Variants in FAM135B observed in about 807,000 individuals in gnomAD.
FAM135B encodes the protein protein FAM135B.
A neutral mutation model predicts 127.7 loss-of-function variants in FAM135B; 43 were observed. The ratio of observed to expected loss-of-function variants is 0.34; its 90% confidence interval spans 0.26 to 0.43. The LOEUF (loss-of-function observed/expected upper bound fraction) is 0.43, where lower values mean the gene tolerates loss of function less well. Among genes scored for constraint, FAM135B ranks in the 20% least tolerant of loss-of-function variants. The pLI, the probability that FAM135B is intolerant of heterozygous loss-of-function variation, is 1.00. For synonymous variants in FAM135B, 670 were observed against 665.1 expected, an observed-to-expected ratio of 1.01 and a Z score of -0.11; for missense variants, 1,558 against 1,725.6, an observed-to-expected ratio of 0.90 and a Z score of 1.72.
chr8:138,383,105 G>C (rs1382037942), intron 1 of FAM135B, among the ~76,000 whole-genome samples: 2 of 152,170 alleles, frequency 1.3e-5, no homozygotes, highest in East Asian at 3.9e-4. Context: ...AGTGTCCCTT[G>C]CTGCACTGTC....
chr8:138,392,731 G>A (rs180968657), intron 1 of FAM135B, among the ~76,000 whole-genome samples: 1 of 152,044 alleles, frequency 6.6e-6, no homozygotes, highest in Non-Finnish European at 1.5e-5. Context: ...ACTGTGCCGG[G>A]GGCATGGAAT....
At position 138,243,056 on chromosome 8, in the gene FAM135B, T is replaced by A. The variant is rs535898797; in HGVS notation, c.555A>T (p.Pro185=). ...LQQPLISFTR[P]GRGSWLGKGG... is the part of the protein sequence containing the mutation. ...CTTTACCAAGCCAGGAGCCTCTTCC[T>A]GGACGAGTAAAACTAAACAAAAGAT... Residue 185 remains proline (P), a synonymous_variant, in exon 7 of 20, where the codon CCA becomes CCT. Transcript: ENST00000395297. This position sits in a 1 kb window ranked among gnomAD's most constrained non-coding sequence, Gnocchi z 7.5. 1.2e-6 allele frequency: 2 copies of A among 1,609,840 alleles called. No homozygotes were observed. Among genetic ancestry groups the A allele is most frequent in the Non-Finnish European group, 8.5e-7 (1 of 1,178,768 alleles).
intron 1 of FAM135B, among the ~76,000 whole-genome samples, chr8:138,430,188 G>A (rs1835116768): frequency 1.3e-5 from 2 of 152,126 alleles, no homozygotes; most frequent in African/African-American, 4.8e-5. Context: ...AACGGCTGCT[G>A]CTTCATAAAC....
chr8:138,373,454 G>T (rs558488707), intron 1 of FAM135B, among the ~76,000 whole-genome samples: 1 of 149,998 alleles, frequency 6.7e-6, no homozygotes, highest in East Asian at 2.0e-4. Context: ...GAGGATGTAT[G>T]TCGCCTCAGG....
At chr8:138,354,416 T>G (rs949433783) in intron 2 of FAM135B, among the ~76,000 whole-genome samples, 1 of 152,140 alleles carries the variant, frequency 6.6e-6, no homozygotes, top group Non-Finnish European at 1.5e-5. Context: ...GTGCATACCT[T>G]CTCAATGCCT....
At chr8:138,214,472 AGTTTAGCAT>A (rs1236561066) in intron 7 of FAM135B, among the ~76,000 whole-genome samples, 3 of 152,188 alleles carry the variant, frequency 2.0e-5, no homozygotes, top group Non-Finnish European at 4.4e-5. Context: ...AGATCTTTGC[AGTTTAGCAT>A]GTGAGGGAGC....
At chr8:138,262,989 G>A (rs1446401856) in intron 4 of FAM135B, among the ~76,000 whole-genome samples, 3 of 150,252 alleles carry the variant, frequency 2.0e-5, no homozygotes, top group Admixed American at 6.6e-5. Flanking sequence ...TAGGCCTGAA[G>A]AGTCAAGCAG....
At chr8:138,220,018 C>T (rs570264394) in intron 7 of FAM135B, among the ~76,000 whole-genome samples, 1 of 151,546 alleles carries the variant, frequency 6.6e-6, no homozygotes, top group Admixed American at 6.6e-5. Flanking sequence ...TTCTATTTTA[C>T]AAATGCTTTA....
At chr8:138,151,097 G>T in intron 13 of FAM135B, 97 bp downstream of exon 13, 1 of 767,224 alleles carries the variant, frequency 1.3e-6, no homozygotes, top group Non-Finnish European at 2.0e-6. Context: ...GAAAATCACA[G>T]ATATCTAAAT....
chr8:138,141,201 T>C lies in FAM135B; in HGVS notation c.3787A>G (p.Thr1263Ala), dbSNP rs2130592091. The change falls in exon 17 of 20, where the codon ACA (threonine) becomes GCA (alanine). Residue 1263 changes from threonine to alanine, a missense_variant. Physicochemically the swap from Thr to Ala is moderately conservative, Grantham distance 58 (BLOSUM62 0). Around this residue, in one of 5 missense-constraint regions of FAM135B, gnomAD observed 194 missense variants for 333.8 expected, o/e 0.58. Transcript: ENST00000395297. This position sits in a 1 kb window ranked among gnomAD's most constrained non-coding sequence, Gnocchi z 4.7. ...ACGAGTCCTAGAAGAATCTTACCTG[T>C]ACTAACCAGGGTGCTGTTGTTGTAC... is the stretch of plus-strand genomic sequence containing the variant. ...TLYNNSTLVS[T>A]GLWLMQKLKK... 6.2e-7 allele frequency: 1 copy of C among 1,614,076 alleles called. No individual in the cohort carries two copies. Among genetic ancestry groups the C allele is most frequent in the Non-Finnish European group, 8.5e-7 (1 of 1,179,984 alleles).
chr8:138,344,864 C>T (rs779320823), intron 2 of FAM135B, among the ~76,000 whole-genome samples: 5 of 152,096 alleles, frequency 3.3e-5, no homozygotes, highest in Non-Finnish European at 7.4e-5. Flanking sequence ...CGTGAGCCAC[C>T]GCGCCTGGCT....
rs142864195 is a variant in FAM135B at position 138,343,959 on chromosome 8, T to G, written c.77+23948A>C. Among the ~76,000 whole-genome samples, 141 of 152,188 alleles carry G rather than the reference T, an allele frequency of 9.3e-4. 1 individual carries two copies. The highest frequency in any genetic ancestry group is 3.3e-3 in the African/African-American group (135 of 41,530). ...ATTGCTGCCTGACCCTTTCACCCAATGCAGATCTTCGAGGCTTGTGCCATT... is the reference window on the plus strand; with the variant it reads ...ATTGCTGCCTGACCCTTTCACCCAAGGCAGATCTTCGAGGCTTGTGCCATT... On this transcript the variant is annotated intron_variant, in intron 2 of 19. Coordinates refer to ENST00000395297, the MANE Select transcript of FAM135B (RefSeq NM_015912.4).
At chr8:138,218,089 A>G (rs922819618) in intron 7 of FAM135B, among the ~76,000 whole-genome samples, 2 of 152,220 alleles carry the variant, frequency 1.3e-5, no homozygotes, top group Non-Finnish European at 2.9e-5. Flanking sequence ...GTATTTATGG[A>G]AACATGATAA....
intron 1 of FAM135B, among the ~76,000 whole-genome samples, chr8:138,412,332 T>C (rs1402932354): frequency 6.6e-6 from 1 of 152,224 alleles, no homozygotes; most frequent in Non-Finnish European, 1.5e-5. Context: ...AGGCAGATAA[T>C]CCAGCTAAGT....
At chr8:138,456,935 C>T (rs146435717) in intron 1 of FAM135B, among the ~76,000 whole-genome samples, 125 of 150,450 alleles carry the variant, frequency 8.3e-4, no homozygotes, top group Admixed American at 2.0e-3. Context: ...AAAGATAAAA[C>T]GGGGGAAGGA....
intron 1 of FAM135B, among the ~76,000 whole-genome samples, chr8:138,460,396 A>G (rs977323548): frequency 6.6e-6 from 1 of 152,322 alleles, no homozygotes; most frequent in Admixed American, 6.5e-5. Context: ...TCCAAATGCA[A>G]AACAGCAGCC....
chr8:138,388,980 G>A (rs1832381083), intron 1 of FAM135B, among the ~76,000 whole-genome samples: 1 of 152,088 alleles, frequency 6.6e-6, no homozygotes, highest in East Asian at 1.9e-4. Flanking sequence ...TTGATAGAAA[G>A]GTCATACAGG....
At chr8:138,441,788 G>A (rs947923486) in intron 1 of FAM135B, 1 of 151,960 alleles carries the variant, frequency 6.6e-6, no homozygotes, top group East Asian at 1.9e-4. Context: ...AGTGGACCTA[G>A]GAAGCAAGGA....
intron 2 of FAM135B, among the ~76,000 whole-genome samples, chr8:138,330,519 C>G (rs1828093135): frequency 1.3e-5 from 2 of 152,138 alleles, no homozygotes; most frequent in Admixed American, 1.3e-4. Context: ...TGCTGGCTAC[C>G]AAGCATGGAA....
Sources: allele counts gnomAD v4.1 joint callset (sites outside exome capture counted in the v4.1 genomes callset), GRCh38; gene constraint gnomAD v4.1.1; regional missense constraint gnomAD v4.1.1; non-coding constraint Gnocchi (gnomAD v3.1); transcripts MANE v1.5; gene names NCBI Gene and HGNC (gene_info 2026-07-23, HGNC 2026-07-21).